Variants in APBB2 observed in about 807,000 individuals in gnomAD.
The protein encoded by APBB2 is amyloid beta precursor protein binding family B member 2.
In APBB2, 38 loss-of-function variants were observed where a neutral mutation model predicts 82.5. The ratio of observed to expected loss-of-function variants is 0.46; its 90% CI spans 0.36 to 0.60. The LOEUF (loss-of-function observed/expected upper bound fraction) is 0.60, where lower values mean the gene tolerates loss of function less well. APBB2 is among the 20% of genes least tolerant of loss of function. The pLI is 0.00. For synonymous variants in APBB2, 341 were observed against 368.2 expected, an observed-to-expected ratio of 0.93 and a Z score of 0.85; for missense variants, 772 against 972.3, an observed-to-expected ratio of 0.79 and a Z score of 2.74.
At chr4:41,173,896 A>G (rs563510647) in intron 1 of APBB2, among the ~76,000 whole-genome samples, 11 of 152,350 alleles carry the variant, frequency 7.2e-5, no homozygotes, top group African/African-American at 2.6e-4. Context: ...TAAGTATTAT[A>G]TGCCACAATA....
In APBB2 at chr4:40,863,765, C is replaced by T. The variant is rs571266471; in HGVS notation, c.1529+26599G>A. 9.9e-5 allele frequency among the ~76,000 whole-genome samples: 15 copies of T among 151,798 alleles called. No homozygotes were observed. In the Middle Eastern group the frequency reaches 0.021, roughly 208 times the overall value. ...AAAATTAGCCGGTTGTGATGGTGCACGCCAGTAATCCCAGCTACTCAGGAG... is the reference window on the plus strand; with the variant it reads ...AAAATTAGCCGGTTGTGATGGTGCATGCCAGTAATCCCAGCTACTCAGGAG... On this transcript the variant is annotated intron_variant, in intron 12 of 17. Coordinates refer to ENST00000508593, the MANE Select transcript of APBB2 (RefSeq NM_004307.2).
chr4:41,041,427 C>G (rs577785862), intron 4 of APBB2, among the ~76,000 whole-genome samples: 1 of 152,154 alleles, frequency 6.6e-6, no homozygotes, highest in Non-Finnish European at 1.5e-5. Context: ...GAAGTGTACA[C>G]ACTGAATTGG....
chr4:41,082,754 G>A (rs1444681117), intron 3 of APBB2, among the ~76,000 whole-genome samples: 1 of 151,880 alleles, frequency 6.6e-6, no homozygotes, highest in Non-Finnish European at 1.5e-5. Flanking sequence ...CAAAAGAGTT[G>A]TTCACTGAAG....
intron 6 of APBB2, among the ~76,000 whole-genome samples, chr4:41,000,789 C>T (rs1279682658): frequency 2.6e-5 from 4 of 152,028 alleles, no homozygotes; most frequent in African/African-American, 7.2e-5. Context: ...TGAGATGAAA[C>T]GGCTTCTCTC....
chr4:41,206,661 G>A (rs1375432839), intron 1 of APBB2, among the ~76,000 whole-genome samples: 1 of 152,072 alleles, frequency 6.6e-6, no homozygotes, highest in Non-Finnish European at 1.5e-5. Context: ...TTTGCAATGT[G>A]GTATATGATC....
intron 1 of APBB2, among the ~76,000 whole-genome samples, chr4:41,196,599 CT>C: frequency 0.011 from 1,079 of 100,312 alleles, 16 homozygotes; most frequent in African/African-American, 0.039. Context: ...AAGCCCCCTG[CT>C]TTTTTTTTTT....
chr4:41,109,079 C>T (rs1441807315), intron 2 of APBB2, among the ~76,000 whole-genome samples: 2 of 152,122 alleles, frequency 1.3e-5, no homozygotes, highest in Non-Finnish European at 2.9e-5. Flanking sequence ...CACTGCAAGC[C>T]AGTGCTTTGC....
chr4:41,138,100 G>A (rs1383960269), intron 2 of APBB2: 1 of 152,144 alleles, frequency 6.6e-6, no homozygotes, highest in African/African-American at 2.4e-5. Context: ...CTGGCAGACA[G>A]CGGTTGCTGT....
chr4:41,066,341 C>T (rs1204864010), intron 3 of APBB2, among the ~76,000 whole-genome samples: 1 of 152,114 alleles, frequency 6.6e-6, no homozygotes, highest in African/African-American at 2.4e-5. Flanking sequence ...GCCATCAAGT[C>T]GATTTACTGT....
chr4:40,820,119 C>T (rs747519103), intron 17 of APBB2, among the ~76,000 whole-genome samples: 19 of 152,330 alleles, frequency 1.2e-4, no homozygotes, highest in Non-Finnish European at 1.6e-4. Context: ...GATTCCAGCC[C>T]GTAAGTGCGA....
chr4:40,817,334 G>C (rs1307516699), intron 17 of APBB2, among the ~76,000 whole-genome samples: 1 of 152,132 alleles, frequency 6.6e-6, no homozygotes, highest in African/African-American at 2.4e-5. Context: ...CTTCAGACTG[G>C]GAGGTCAAGG....
intron 6 of APBB2, among the ~76,000 whole-genome samples, chr4:40,969,696 C>CA (rs1320038278): frequency 1.3e-5 from 2 of 152,150 alleles, no homozygotes; most frequent in African/African-American, 4.8e-5. Flanking sequence ...TAACTGTTGT[C>CA]ATGACAACAT....
At chr4:40,867,055 C>T (rs1363649949) in intron 12 of APBB2, among the ~76,000 whole-genome samples, 11 of 152,136 alleles carry the variant, frequency 7.2e-5, no homozygotes, top group African/African-American at 7.2e-5. Flanking sequence ...CATGCACGGC[C>T]GACAGTGTCC....
At chr4:40,997,196 G>A (rs576240285) in intron 6 of APBB2, among the ~76,000 whole-genome samples, 7 of 152,104 alleles carry the variant, frequency 4.6e-5, no homozygotes, top group Non-Finnish European at 7.4e-5. Context: ...TTAGTGTGTC[G>A]GGGAGATGCA....
At chr4:40,838,793 A>T (rs1247106880) in intron 12 of APBB2, among the ~76,000 whole-genome samples, 1 of 152,056 alleles carries the variant, frequency 6.6e-6, no homozygotes, top group Non-Finnish European at 1.5e-5. Flanking sequence ...TTTAAAAAAT[A>T]GCCAGAACTA....
At chr4:40,950,892 A>G (rs1789965271) in intron 6 of APBB2, among the ~76,000 whole-genome samples, 1 of 152,184 alleles carries the variant, frequency 6.6e-6, no homozygotes, top group South Asian at 2.1e-4. Context: ...AAAGACAATG[A>G]ATAAATTACA....
intron 3 of APBB2, among the ~76,000 whole-genome samples, chr4:41,092,886 T>C (rs949330518): frequency 6.6e-6 from 1 of 152,106 alleles, no homozygotes; most frequent in Non-Finnish European, 1.5e-5. Flanking sequence ...TTTTAAGAGA[T>C]CCATTCTGCT....
At chr4:40,910,467 G>A (rs1047869379) in intron 10 of APBB2, among the ~76,000 whole-genome samples, 1 of 152,030 alleles carries the variant, frequency 6.6e-6, no homozygotes, top group African/African-American at 2.4e-5. Context: ...TTCAACTCCT[G>A]GGCTCAACAG....
intron 6 of APBB2, among the ~76,000 whole-genome samples, chr4:41,007,792 T>C (rs369236576): frequency 6.6e-6 from 1 of 152,248 alleles, no homozygotes; most frequent in Admixed American, 6.5e-5. Context: ...CCTTTTACTA[T>C]GTGCCACATA....
Sources: allele counts gnomAD v4.1 joint callset (sites outside exome capture counted in the v4.1 genomes callset), GRCh38; gene constraint gnomAD v4.1.1; transcripts MANE v1.5; gene names NCBI Gene and HGNC (gene_info 2026-07-23, HGNC 2026-07-21).